Variants in SPC24 observed in about 807,000 individuals in gnomAD.
SPC24 encodes the protein kinetochore protein Spc24.
A neutral mutation model predicts 27.6 loss-of-function variants in SPC24; 31 were observed. That is an observed-to-expected ratio of 1.12 (90% CI 0.84 to 1.52). The LOEUF is 1.52. Ranked by LOEUF, SPC24 falls within the 40% of genes most tolerant of loss-of-function variation. The probability of loss-of-function intolerance (pLI) is 0.00; values close to 1 mark genes in which losing one functional copy is unlikely to be tolerated. For missense variants in SPC24, 284 were observed against 252.5 expected (o/e 1.12, Z -0.84); for synonymous variants, 105 against 105.8 (o/e 0.99, Z 0.05).
At chr19:11,147,345 G>C in intron 4 of SPC24, 56 bp from the exon 5 acceptor site, 2 of 1,238,756 alleles carry the variant, frequency 1.6e-6, no homozygotes, top group South Asian at 2.8e-5. Flanking sequence ...ACAACCCCAC[G>C]GGGAAAAGGA....
In SPC24 at chr19:11,146,631, G is replaced by A. The variant is rs1271206485; in HGVS notation, c.*552C>T. The A allele has an allele frequency of 1.3e-5, 2 of 151,650 alleles. No homozygotes were observed. The highest frequency in any genetic ancestry group is 2.1e-4 in the South Asian group (1 of 4,804). The allele number at this position is 151,650 out of a possible 1,614,324, so 9.4% of individuals were successfully genotyped here. A position where few individuals can be genotyped will look rare whatever the true frequency, so the allele number is the denominator to read the frequency against. On this transcript the variant is annotated 3_prime_UTR_variant, in exon 5 of 5. Transcript: ENST00000592540. Reference sequence around the variant, plus strand: ...ATACAAAAAATTAGCTGCGCATGGTGGCAGGTGCCTGTAGTCCCAGCTACT... The same window carrying A: ...ATACAAAAAATTAGCTGCGCATGGTAGCAGGTGCCTGTAGTCCCAGCTACT...
intron 4 of SPC24, 22 bp from the exon 5 acceptor site, chr19:11,147,311 A>G: frequency 6.6e-7 from 1 of 1,508,260 alleles, no homozygotes; most frequent in Non-Finnish European, 9.0e-7. Context: ...ATGTAAGGAA[A>G]GCCCGGGACA....
intron 2 of SPC24, among the ~76,000 whole-genome samples, chr19:11,148,694 C>T (rs2077848295): frequency 6.6e-6 from 1 of 152,136 alleles, no homozygotes; most frequent in African/African-American, 2.4e-5. Flanking sequence ...GTTGCCCAGG[C>T]TGGAGTGCAG....
chr19:11,146,084 T>C lies in SPC24; in HGVS notation c.*1099A>G. The C allele has an allele frequency of 6.6e-6, 1 of 152,156 alleles. No homozygotes were observed. Among genetic ancestry groups the C allele is most frequent in the East Asian group, 1.9e-4 (1 of 5,178 alleles). 9.4% of individuals were successfully genotyped at this position (152,156 alleles called of 1,614,324 possible). A position where few individuals can be genotyped will look rare whatever the true frequency, so the allele number is the denominator to read the frequency against. ...ATCTTTTTAAGTCCCGGCACAAAAG[T>C]CGCTTCTGTCCTCCATGAAGCCTGC... On this transcript the variant is annotated 3_prime_UTR_variant, in exon 5 of 5. Coordinates refer to ENST00000592540, the MANE Select transcript of SPC24 (RefSeq NM_182513.4).
Position 11,146,479 on chromosome 19 carries a change from A to AAAAAAAAAAAAAAAAAAAAAAG in SPC24, c.*703_*704insCTTTTTTTTTTTTTTTTTTTTT, listed in dbSNP as rs1283117437. ...AAGAAATCCAGTAAAAAAAAAAAAA[A>AAAAAAAAAAAAAAAAAAAAAAG]AAAAGGCCAGGCGCGGTGACTCACA... On this transcript the variant is annotated 3_prime_UTR_variant, in exon 5 of 5. Coordinates refer to ENST00000592540, the MANE Select transcript of SPC24 (RefSeq NM_182513.4). The AAAAAAAAAAAAAAAAAAAAAAG allele has an allele frequency of 3.3e-4, 47 of 144,152 alleles. No homozygotes were observed. The highest frequency in any genetic ancestry group is 6.4e-4 in the Non-Finnish European group (42 of 65,614). 8.9% of individuals were successfully genotyped at this position (144,152 alleles called of 1,614,324 possible).
chr19:11,155,123 T>C (rs1857847457), intron 1 of SPC24, among the ~76,000 whole-genome samples: 1 of 151,340 alleles, frequency 6.6e-6, no homozygotes, highest in Non-Finnish European at 1.5e-5. Flanking sequence ...GAGGTGGAGG[T>C]TGCGGTGAGC....
Position 11,148,056 on chromosome 19 carries a change from T to G in SPC24, c.367A>C (p.Lys123Gln), listed in dbSNP as rs2077842104. Residue 123 changes from lysine (K) to glutamine (Q), a missense_variant, in exon 3 of 5, where the codon AAG (lysine) becomes CAG (glutamine). Coordinates refer to ENST00000592540, the MANE Select transcript of SPC24 (RefSeq NM_182513.4). ...ACTGTCGTGTCCTCGTCGACCTCCTTCTCCTGTCGCTCCAGATCCGCCTCA... is the reference window on the plus strand; with the variant it reads ...ACTGTCGTGTCCTCGTCGACCTCCTGCTCCTGTCGCTCCAGATCCGCCTCA... ...EIEADLERQE[K>Q]EVDEDTTVTI... 6.2e-7 allele frequency: 1 copy of G among 1,613,774 alleles called. No individual in the cohort carries two copies. The highest frequency in any genetic ancestry group is 1.1e-5 in the South Asian group (1 of 91,072).
intron 1 of SPC24, among the ~76,000 whole-genome samples, chr19:11,152,334 C>T (rs540247426): frequency 1.1e-4 from 17 of 152,172 alleles, no homozygotes; most frequent in Middle Eastern, 3.4e-3. Context: ...CTCAGCCTCC[C>T]GAGTAGCTGG....
chr19:11,149,571 C>T (rs563409441), intron 1 of SPC24, among the ~76,000 whole-genome samples: 21 of 151,960 alleles, frequency 1.4e-4, no homozygotes, highest in Non-Finnish European at 2.5e-4. Context: ...ATAGGGAGAT[C>T]CCATCTCTAC....
intron 1 of SPC24, among the ~76,000 whole-genome samples, chr19:11,154,672 T>C (rs940406581): frequency 5.5e-5 from 5 of 91,262 alleles, no homozygotes; most frequent in African/African-American, 2.4e-4. Context: ...GAAGGGTAGA[T>C]ATTGTACAAT....
chr19:11,149,237 C>T lies in SPC24; in HGVS notation c.162G>A (p.Glu54=). ...CCACTTCCTTCTCCATGGTGAGGATCTCTGCAGGGTGGAGAGAAGCAGGCT... is the reference window on the plus strand; with the variant it reads ...CCACTTCCTTCTCCATGGTGAGGATTTCTGCAGGGTGGAGAGAAGCAGGCT... ...TQDGAEKQLR[E]ILTMEKEVAQ... is the part of the protein sequence containing the mutation. The change falls in exon 2 of 5, where the codon GAG becomes GAA. Residue 54 remains glutamate (E), a splice_region_variant and synonymous_variant. Coordinates refer to ENST00000592540, the MANE Select transcript of SPC24 (RefSeq NM_182513.4). The T allele has an allele frequency of 6.5e-7, 1 of 1,542,340 alleles. No homozygotes were observed. The highest frequency in any genetic ancestry group is 2.5e-5 in the East Asian group (1 of 40,578).
rs1177274683 is a variant in SPC24 at position 11,155,679 on chromosome 19, C to G, written c.98G>C (p.Arg33Pro). The G allele has an allele frequency of 2.6e-6, 4 of 1,559,474 alleles. No homozygotes were observed. The highest frequency in any genetic ancestry group is 3.4e-6 in the Non-Finnish European group (4 of 1,159,894). ...CAGCCGCTCCACCACCTGCTCGTGG[C>G]GCCCCAGCAGCCGTCGCTGCTGCGC... is the stretch of plus-strand genomic sequence containing the variant. ...AEAQQRRLLG[R>P]HEQVVERLLE... The change falls in exon 1 of 5, where the codon CGC becomes CCC. Residue 33 changes from arginine (R) to proline (P), a missense_variant. Physicochemically the swap from Arg to Pro is moderately radical, Grantham distance 103. Coordinates refer to ENST00000592540, the MANE Select transcript of SPC24 (RefSeq NM_182513.4).
intron 1 of SPC24, among the ~76,000 whole-genome samples, chr19:11,149,712 CT>C (rs546646293): frequency 1.9e-3 from 272 of 140,402 alleles, no homozygotes; most frequent in Admixed American, 2.0e-3. Context: ...AAAACCCTGT[CT>C]TTTTTTTTTT....
At chr19:11,149,270 G>C (rs772233181) in intron 1 of SPC24, 32 bp from the exon 2 acceptor site, 1 of 1,470,328 alleles carries the variant, frequency 6.8e-7, no homozygotes, top group South Asian at 1.4e-5. Context: ...GCTCCCTAGG[G>C]TCTGTCCTTC....
At chr19:11,153,137 A>T (rs1470379424) in intron 1 of SPC24, among the ~76,000 whole-genome samples, 4 of 152,038 alleles carry the variant, frequency 2.6e-5, no homozygotes, top group African/African-American at 9.7e-5. Context: ...CTGGCTGAAT[A>T]CAAAAAAGAA....
In SPC24 at chr19:11,148,109, G is replaced by C. The variant is rs2077842899; in HGVS notation, c.314C>G (p.Thr105Ser). ...CTCCTTGAGCTCTTCCAGCTCTCTG[G>C]TGAGCTGAGTAGGGCAGGTCGTTAA... Reference protein sequence around the residue: ...TRLKASLLQLTRELEELKEIE... With the variant: ...TRLKASLLQLSRELEELKEIE... Residue 105 changes from threonine (T) to serine (S), a missense_variant, in exon 3 of 5, where the codon ACC becomes AGC. Transcript: ENST00000592540. 9 of 1,613,322 alleles carry C rather than the reference G, an allele frequency of 5.6e-6. No individual in the cohort carries two copies. Among genetic ancestry groups the C allele is most frequent in the East Asian group, 2.2e-5 (1 of 44,860 alleles).
At chr19:11,153,387 C>T (rs7408517) in intron 1 of SPC24, among the ~76,000 whole-genome samples, 91,593 of 151,270 alleles carry the variant, frequency 0.61, 28,585 homozygotes, top group Non-Finnish European at 0.7. Context: ...AGACGGAGCT[C>T]GCAGTGAGCC....
rs2077830645 is a variant in SPC24, at chr19:11,146,996, C to T, written c.*187G>A. 1.0e-5 allele frequency: 4 copies of T among 384,906 alleles called. No individual in the cohort carries two copies. The highest frequency in any genetic ancestry group is 9.6e-5 in the South Asian group (3 of 31,112). The allele number at this position is 384,906 out of a possible 1,614,324, so 23.8% of individuals were successfully genotyped here. A position where few individuals can be genotyped will look rare whatever the true frequency, so the allele number is the denominator to read the frequency against. ...TTTGGAGGCTGAGGCAGGAGAATCG[C>T]TTGAACCCAGGAGGCAGAGGTTGCT... On this transcript the variant is annotated 3_prime_UTR_variant, in exon 5 of 5. Transcript: ENST00000592540.
chr19:11,147,610 A>G (rs2077836695), intron 4 of SPC24: 1 of 591,706 alleles, frequency 1.7e-6, no homozygotes, highest in African/African-American at 1.9e-5. Flanking sequence ...ACTTTACTAT[A>G]TTTATTATAG....
Sources: gnomAD v4.1 joint callset for allele counts (sites outside exome capture counted in the v4.1 genomes callset) on GRCh38, gnomAD v4.1.1 for gene constraint, MANE v1.5 for transcripts, NCBI Gene and HGNC (gene_info 2026-07-23, HGNC 2026-07-21) for gene names.